The following UNC80 variants were observed in gnomAD, a reference collection of about 807,000 sequenced individuals.
The protein encoded by UNC80 is protein unc-80 homolog.
A neutral mutation model predicts 384.6 loss-of-function variants in UNC80; 164 were observed. The ratio of observed to expected loss-of-function variants is 0.43; its 90% CI spans 0.38 to 0.49. UNC80 has a LOEUF of 0.49. Ranked by LOEUF, UNC80 falls within the 20% of genes least tolerant of loss-of-function variation. The pLI is 0.00. For synonymous variants in UNC80, 1,486 were observed against 1,527.8 expected, an observed-to-expected ratio of 0.97 and a Z score of 0.64; for missense variants, 3,330 against 4,143.0, an observed-to-expected ratio of 0.80 and a Z score of 5.39.
chr2:209,896,509 A>G, intron 28 of UNC80, 96 bp downstream of exon 28: 1 of 1,007,108 alleles, frequency 9.9e-7, no homozygotes, highest in South Asian at 1.4e-5. Flanking sequence ...TAAATCATCA[A>G]TCCGATCTAG....
At chr2:209,848,626 A>T (rs571810178) in intron 21 of UNC80, among the ~76,000 whole-genome samples, 1 of 152,188 alleles carries the variant, frequency 6.6e-6, no homozygotes, top group Admixed American at 6.6e-5. Flanking sequence ...TCATACTGAC[A>T]TACGTCAATA....
rs759668606 is a variant in UNC80, at chr2:209,959,159, A to G, written c.7586+5A>G. Reference sequence around the variant, plus strand: ...AGCCAAACTGCACTTTATCAGGTACAGAAAGACTTGCTCTAATTTCATACC... The same window carrying G: ...AGCCAAACTGCACTTTATCAGGTACGGAAAGACTTGCTCTAATTTCATACC... On this transcript the variant is annotated splice_donor_5th_base_variant and intron_variant, in intron 50 of 64. Transcript: ENST00000673920. 14 of 1,551,976 alleles carry G rather than the reference A, an allele frequency of 9.0e-6. No homozygotes were observed. In the South Asian group the frequency reaches 1.4e-4, roughly 16 times the overall value.
intron 36 of UNC80, among the ~76,000 whole-genome samples, chr2:209,927,342 C>A (rs2090515411): frequency 6.6e-6 from 1 of 152,164 alleles, no homozygotes; most frequent in Non-Finnish European, 1.5e-5. Context: ...TACGTGATTA[C>A]CTTTCCTGAC....
At chr2:209,815,537 C>T (rs2079672464) in intron 9 of UNC80, 146 bp downstream of exon 9, 2 of 763,580 alleles carry the variant, frequency 2.6e-6, no homozygotes, top group Non-Finnish European at 4.1e-6. Context: ...GTGACACTGA[C>T]TTGCAGCATA....
intron 21 of UNC80, among the ~76,000 whole-genome samples, chr2:209,847,993 A>C (rs1442344127): frequency 6.6e-6 from 1 of 152,084 alleles, no homozygotes; most frequent in African/African-American, 2.4e-5. Flanking sequence ...TTAACAGATG[A>C]GAATCCTTTG....
At chr2:209,790,002 A>G (rs190619647) in intron 6 of UNC80, among the ~76,000 whole-genome samples, 6 of 152,242 alleles carry the variant, frequency 3.9e-5, no homozygotes, top group Admixed American at 3.9e-4. Flanking sequence ...TGTAGGTAGA[A>G]TAATGCTGCC....
chr2:209,794,439 A>C (rs1213553442), intron 7 of UNC80, among the ~76,000 whole-genome samples: 2 of 152,214 alleles, frequency 1.3e-5, no homozygotes, highest in African/African-American at 2.4e-5. Flanking sequence ...TCCTGAGACT[A>C]TCTGTATATC....
rs116420510 is a variant in UNC80 at position 209,986,619 on chromosome 2, C to T, written c.9314+1707C>T. Among the ~76,000 whole-genome samples, 732 of 152,218 alleles carry T rather than the reference C, an allele frequency of 4.8e-3. 5 individuals carry two copies. The highest frequency in any genetic ancestry group is 0.017 in the African/African-American group (693 of 41,518). On this transcript the variant is annotated intron_variant, in intron 61 of 64. Coordinates refer to ENST00000673920, the MANE Select transcript of UNC80 (RefSeq NM_001371986.1). Reference sequence around the variant, plus strand: ...TTGATGACTGTCTTAGATCAACTGCCGTTGATCCGTTGTTTCTGTGACCAT... The same window carrying T: ...TTGATGACTGTCTTAGATCAACTGCTGTTGATCCGTTGTTTCTGTGACCAT...
chr2:209,793,975 G>A, intron 7 of UNC80, 116 bp downstream of exon 7: 5 of 1,175,250 alleles, frequency 4.3e-6, no homozygotes, highest in Non-Finnish European at 6.0e-6. Flanking sequence ...CATAATATGT[G>A]TATACATATT....
intron 28 of UNC80, among the ~76,000 whole-genome samples, chr2:209,903,466 A>ATATATATAGTATATATATACTATATATAT (rs2087698298): frequency 4.7e-5 from 1 of 21,290 alleles, no homozygotes; most frequent in Non-Finnish European, 1.1e-4. Flanking sequence ...TATATACATT[A>ATATATATAGTATATATATACTATATATAT]TATATATAGT....
intron 7 of UNC80, among the ~76,000 whole-genome samples, chr2:209,802,532 G>A (rs184438419): frequency 2.0e-4 from 30 of 152,166 alleles, no homozygotes; most frequent in African/African-American, 6.8e-4. Context: ...CTTAGCTAAT[G>A]TACTAACAAC....
Position 209,976,919 on chromosome 2 carries a change from G to C in UNC80, c.8779G>C (p.Ala2927Pro), listed in dbSNP as rs2093028411. The C allele has an allele frequency of 6.6e-7, 1 of 1,510,204 alleles. No individual in the cohort carries two copies. The highest frequency in any genetic ancestry group is 2.5e-5 in the East Asian group (1 of 39,930). The allele number at this position is 1,510,204 out of a possible 1,614,324, so 93.6% of individuals were successfully genotyped here. A position where few individuals can be genotyped will look rare whatever the true frequency, so the allele number is the denominator to read the frequency against. ...LRPFIQCKLL[A>P]QPAENHEELS... is the part of the protein sequence containing the mutation. ...TGTTATGCCTTCCTTTCAGCTGCTG[G>C]CCCAACCAGCAGAGAATCATGAAGA... The change falls in exon 58 of 65, where the codon GCC becomes CCC. Residue 2927 changes from alanine (A) to proline (P), a missense_variant. Around this residue, in one of 8 missense-constraint regions of UNC80, gnomAD observed 216 missense variants for 245.3 expected, o/e 0.88. Coordinates refer to ENST00000673920, the MANE Select transcript of UNC80 (RefSeq NM_001371986.1). The surrounding 1 kb of genome is among the most constrained non-coding windows in gnomAD (Gnocchi z 4.3).
At chr2:209,851,553 A>G (rs1252414522) in intron 22 of UNC80, among the ~76,000 whole-genome samples, 3 of 152,114 alleles carry the variant, frequency 2.0e-5, no homozygotes, top group East Asian at 1.9e-4. Context: ...AGGGATTCCT[A>G]TGTGACAGGC....
Position 209,941,464 on chromosome 2 carries a change from AG to A in UNC80, c.6891del (p.Gln2297HisfsTer77). ...FNHLFSLSGY[Q>X]WILPTMLQVY... The stretch of plus-strand genomic sequence containing the variant: ...CACCTCTTCTCTCTCAGCGGCTACC[AG>A]TGGATTCTCCCCACCATGCTGCAGG... On this transcript the variant is annotated frameshift_variant, in exon 44 of 65. Transcript: ENST00000673920. LOFTEE classifies it high-confidence loss of function. 6.5e-7 allele frequency: 1 copy of A among 1,539,598 alleles called. No homozygotes were observed. The highest frequency in any genetic ancestry group is 8.8e-7 in the Non-Finnish European group (1 of 1,137,028).
chr2:209,830,758 C>G (rs2153828558), intron 15 of UNC80, among the ~76,000 whole-genome samples: 1 of 152,308 alleles, frequency 6.6e-6, no homozygotes, highest in African/African-American at 2.4e-5. Flanking sequence ...GCATAAAATG[C>G]CACGGAGGTC....
intron 4 of UNC80, among the ~76,000 whole-genome samples, chr2:209,784,330 A>C (rs1185637127): frequency 6.6e-6 from 1 of 152,150 alleles, no homozygotes; most frequent in Non-Finnish European, 1.5e-5. Flanking sequence ...ATATCCAGTC[A>C]TGTCACTCTG....
intron 22 of UNC80, among the ~76,000 whole-genome samples, chr2:209,856,037 T>A (rs997181896): frequency 6.6e-6 from 1 of 152,168 alleles, no homozygotes; most frequent in Non-Finnish European, 1.5e-5. Context: ...TACTATATGA[T>A]ACCAAATTGT....
In UNC80 at chr2:209,839,580, C is replaced by T. The variant is rs2081591639; in HGVS notation, c.3250+150C>T. 2.3e-6 allele frequency: 2 copies of T among 856,548 alleles called. No individual in the cohort carries two copies. The highest frequency in any genetic ancestry group is 3.6e-6 in the Non-Finnish European group (2 of 559,778). The allele number at this position is 856,548 out of a possible 1,614,324, so 53.1% of individuals were successfully genotyped here. A position where few individuals can be genotyped will look rare whatever the true frequency, so the allele number is the denominator to read the frequency against. On this transcript the variant is annotated intron_variant, in intron 19 of 64. Transcript: ENST00000673920. The surrounding 1 kb of genome is among the most constrained non-coding windows in gnomAD (Gnocchi z 4.1). ...ATTCATTCATTCATTTAATTTTTCC[C>T]ACAGTATTTTTCAATACCCTACTAT...
chr2:209,871,712 T>G (rs569444003), intron 22 of UNC80, among the ~76,000 whole-genome samples: 1 of 152,256 alleles, frequency 6.6e-6, no homozygotes, highest in Non-Finnish European at 1.5e-5. Context: ...TTCTCATTAC[T>G]TCTTTCCTTA....
Sources: gnomAD v4.1 joint callset for allele counts (sites outside exome capture counted in the v4.1 genomes callset) on GRCh38, gnomAD v4.1.1 for gene constraint, gnomAD v4.1.1 regional missense constraint, Gnocchi (gnomAD v3.1) non-coding constraint, MANE v1.5 for transcripts, NCBI Gene and HGNC (gene_info 2026-07-23, HGNC 2026-07-21) for gene names.